Variants in STK4 observed in about 807,000 individuals in gnomAD.
STK4 encodes serine/threonine-protein kinase 4.
In STK4, 30 loss-of-function variants were observed where a neutral mutation model predicts 64.9. The ratio of observed to expected loss-of-function variants is 0.46; its 90% CI spans 0.35 to 0.63. STK4 has a LOEUF of 0.63. Ranked by LOEUF, STK4 falls within the 20% of genes least tolerant of loss-of-function variation. STK4 has a pLI of 0.01. For synonymous variants in STK4, 177 were observed against 199.0 expected, an observed-to-expected ratio of 0.89 and a Z score of 0.93; for missense variants, 466 against 598.5, an observed-to-expected ratio of 0.78 and a Z score of 2.31.
At chr20:45,001,481 A>G (rs2067840865) in intron 9 of STK4, 128 bp downstream of exon 9, 1 of 1,206,986 alleles carries the variant, frequency 8.3e-7, no homozygotes, top group Non-Finnish European at 1.1e-6. Flanking sequence ...GGAGTAGAAA[A>G]CTTGGAAGTT....
Position 45,078,832 on chromosome 20 carries a change from T to A in STK4, c.*3656T>A, listed in dbSNP as rs1380667320. ...GAAATTTATACCATTTAAAACTCAGTAAGTCTTTTAAATATCAGGAAGGAG... is the reference window on the plus strand; with the variant it reads ...GAAATTTATACCATTTAAAACTCAGAAAGTCTTTTAAATATCAGGAAGGAG... On this transcript the variant is annotated 3_prime_UTR_variant, in exon 11 of 11. Coordinates refer to ENST00000372806, the MANE Select transcript of STK4 (RefSeq NM_006282.5). 1 of 152,492 alleles carries A rather than the reference T, an allele frequency of 6.6e-6. No homozygotes were observed. Among genetic ancestry groups the A allele is most frequent in the Non-Finnish European group, 1.5e-5 (1 of 68,036 alleles). 9.4% of individuals were successfully genotyped at this position (152,492 alleles called of 1,614,324 possible).
At chr20:45,046,683 T>G (rs1444295728) in intron 10 of STK4, among the ~76,000 whole-genome samples, 1 of 151,824 alleles carries the variant, frequency 6.6e-6, no homozygotes, top group Admixed American at 6.6e-5. Flanking sequence ...TTAAATTTAT[T>G]TATTTATTTT....
intron 9 of STK4, among the ~76,000 whole-genome samples, chr20:45,009,008 T>G (rs2067998926): frequency 6.6e-6 from 1 of 152,208 alleles, no homozygotes; most frequent in Non-Finnish European, 1.5e-5. Context: ...TGATAGTTTC[T>G]TTTGCTGTTG....
At chr20:45,001,059 A>G (rs758212371) in intron 8 of STK4, 108 bp from the exon 9 acceptor site, 6 of 1,247,224 alleles carry the variant, frequency 4.8e-6, no homozygotes, top group Admixed American at 2.6e-5. Context: ...TAGGACCTGA[A>G]TAAGTGTTAA....
At chr20:44,978,649 A>G in intron 3 of STK4, 78 bp downstream of exon 3, 1 of 1,464,620 alleles carries the variant, frequency 6.8e-7, no homozygotes, top group Non-Finnish European at 9.1e-7. Context: ...ATACCTAGAG[A>G]CACATTTACT....
At position 45,025,050 on chromosome 20, in the gene STK4, A is replaced by T. The variant is rs762408402; in HGVS notation, c.1225A>T (p.Asn409Tyr). Reference protein sequence around the residue: ...FEQKEKENQINSFGKSVPGPL... With the variant: ...FEQKEKENQIYSFGKSVPGPL... ...ACAAAAAGAAAAGGAAAACCAGATCAACAGCTTTGGCAAGAGTGTACCTGG... is the reference window on the plus strand; with the variant it reads ...ACAAAAAGAAAAGGAAAACCAGATCTACAGCTTTGGCAAGAGTGTACCTGG... Residue 409 changes from asparagine (N) to tyrosine (Y), a missense_variant, in exon 10 of 11, where the codon AAC becomes TAC. By Grantham distance (143) the Asn-to-Tyr change is moderately radical. Transcript: ENST00000372806. 1.2e-6 allele frequency: 2 copies of T among 1,613,662 alleles called. No homozygotes were observed. The highest frequency in any genetic ancestry group is 1.7e-6 in the Non-Finnish European group (2 of 1,179,766).
At chr20:45,016,143 G>A (rs2068138368) in intron 9 of STK4, among the ~76,000 whole-genome samples, 1 of 152,124 alleles carries the variant, frequency 6.6e-6, no homozygotes, top group African/African-American at 2.4e-5. Flanking sequence ...GGCTCTGTGT[G>A]GTTTGTGTCT....
chr20:45,001,104 T>G, intron 8 of STK4, 63 bp from the exon 9 acceptor site: 6 of 1,518,432 alleles, frequency 4.0e-6, no homozygotes, highest in Non-Finnish European at 5.4e-6. Flanking sequence ...AGGTAGTAGT[T>G]ATTCAGAAAA....
At position 45,052,461 on chromosome 20, in the gene STK4, A is replaced by G. The variant is rs148671807; in HGVS notation, c.1306-22557A>G. The stretch of plus-strand genomic sequence containing the variant: ...TTGTGAAATCATTTTTAAGGGTCAC[A>G]TAGTAGCCCATCACATTACATTCTT... On this transcript the variant is annotated intron_variant, in intron 10 of 10. Transcript: ENST00000372806. Among the ~76,000 whole-genome samples the G allele has an allele frequency of 3.5e-3, 534 of 152,322 alleles. 2 individuals carry two copies. The highest frequency in any genetic ancestry group is 0.012 in the African/African-American group (492 of 41,572).
At chr20:45,000,543 G>C (rs771764187) in intron 8 of STK4, 23 bp downstream of exon 8, 101 of 1,613,180 alleles carry the variant, frequency 6.3e-5, no homozygotes, top group Non-Finnish European at 8.3e-5. Context: ...CGTTGCTGTG[G>C]GCCTCAGACA....
At chr20:44,998,605 T>C (rs2067777582) in intron 7 of STK4, among the ~76,000 whole-genome samples, 1 of 152,162 alleles carries the variant, frequency 6.6e-6, no homozygotes, top group African/African-American at 2.4e-5. Context: ...GCCCATAATT[T>C]AAAAAGAATC....
chr20:45,010,709 G>A (rs1044463461), intron 9 of STK4, among the ~76,000 whole-genome samples: 20 of 152,304 alleles, frequency 1.3e-4, no homozygotes, highest in African/African-American at 4.1e-4. Flanking sequence ...CCTTTATCAA[G>A]TGTTGGGAGC....
At chr20:45,032,849 T>C (rs1172203435) in intron 10 of STK4, among the ~76,000 whole-genome samples, 3 of 152,204 alleles carry the variant, frequency 2.0e-5, no homozygotes, top group Non-Finnish European at 4.4e-5. Context: ...AATCGACACA[T>C]GGCTTTCCAC....
intron 9 of STK4, among the ~76,000 whole-genome samples, chr20:45,022,800 AC>A (rs2068271318): frequency 6.6e-6 from 1 of 152,184 alleles, no homozygotes; most frequent in Admixed American, 6.5e-5. Flanking sequence ...GTTTTAAATT[AC>A]CTGTTATTTC....
At chr20:44,992,725 C>T (rs1349255451) in intron 5 of STK4, among the ~76,000 whole-genome samples, 3 of 151,656 alleles carry the variant, frequency 2.0e-5, no homozygotes, top group Non-Finnish European at 2.9e-5. Context: ...GAGACAGTCT[C>T]GCTCTGTCAC....
chr20:45,001,430 T>G, intron 9 of STK4, 77 bp downstream of exon 9: 1 of 1,497,588 alleles, frequency 6.7e-7, no homozygotes, highest in South Asian at 1.4e-5. Flanking sequence ...TCATGGTTCA[T>G]GCAGGCTTAG....
At chr20:44,967,835 T>C (rs74174929) in intron 1 of STK4, among the ~76,000 whole-genome samples, 2,440 of 152,344 alleles carry the variant, frequency 0.016, 34 homozygotes, top group Non-Finnish European at 0.024. Context: ...GTGCTGAGAC[T>C]GTAATAGTAA....
intron 10 of STK4, among the ~76,000 whole-genome samples, chr20:45,043,344 G>A (rs1218022945): frequency 6.6e-6 from 1 of 152,192 alleles, no homozygotes; most frequent in African/African-American, 2.4e-5. Context: ...TTGCAGTTGT[G>A]TACCAAGTGT....
In STK4 at chr20:45,028,321, A is replaced by C. The variant is rs577402505; in HGVS notation, c.1305+3191A>C. Among the ~76,000 whole-genome samples the C allele has an allele frequency of 4.0e-5, 6 of 150,148 alleles. 1 individual carries two copies. Among genetic ancestry groups the C allele is most frequent in the African/African-American group, 1.5e-4 (6 of 40,870 alleles). ...GCCATTCTAACTAGGGTGAGATGAT[A>C]TCTCTCTTTTTTTTTTTTTTTAAGA... On this transcript the variant is annotated intron_variant, in intron 10 of 10. Coordinates refer to ENST00000372806, the MANE Select transcript of STK4 (RefSeq NM_006282.5).
Sources: allele counts gnomAD v4.1 joint callset (sites outside exome capture counted in the v4.1 genomes callset), GRCh38; gene constraint gnomAD v4.1.1; transcripts MANE v1.5; gene names NCBI Gene and HGNC (gene_info 2026-07-23, HGNC 2026-07-21).